Variants in WWOX observed in about 807,000 individuals in gnomAD.
The protein encoded by WWOX is WW domain containing oxidoreductase.
Under a neutral mutation model 46.2 loss-of-function variants are expected in WWOX, and 69 were observed. That is an observed-to-expected ratio of 1.49 (90% CI 1.23 to 1.82). The LOEUF (loss-of-function observed/expected upper bound fraction) is 1.82. WWOX is among the 40% of genes most tolerant of loss of function. WWOX has a pLI of 0.00. For synonymous variants in WWOX, 359 were observed against 202.6 expected (o/e 1.77, Z -6.56); for missense variants, 919 against 542.6 (o/e 1.69, Z -6.89).
intron 8 of WWOX, among the ~76,000 whole-genome samples, chr16:78,718,630 C>T (rs886772608): frequency 1.3e-5 from 2 of 151,894 alleles, no homozygotes; most frequent in Admixed American, 6.6e-5. Flanking sequence ...ATCCCTTGAG[C>T]CCAGGATTTT....
At chr16:78,646,259 A>G (rs2046839493) in intron 8 of WWOX, among the ~76,000 whole-genome samples, 1 of 152,036 alleles carries the variant, frequency 6.6e-6, no homozygotes, top group Non-Finnish European at 1.5e-5. Context: ...GGCTCCATCA[A>G]TCCTCTTGCT....
At chr16:78,980,374 A>C (rs1196966986) in intron 8 of WWOX, among the ~76,000 whole-genome samples, 2 of 152,130 alleles carry the variant, frequency 1.3e-5, no homozygotes, top group Admixed American at 1.3e-4. Context: ...TTATTCCAAC[A>C]ATGTCCTTGG....
At chr16:78,586,548 C>T (rs150295622) in intron 8 of WWOX, among the ~76,000 whole-genome samples, 167 of 152,264 alleles carry the variant, frequency 1.1e-3, no homozygotes, top group African/African-American at 3.7e-3. Context: ...CCTTGCAATA[C>T]GCTTGTTATC....
Position 78,601,597 on chromosome 16 carries a change from G to A in WWOX, c.1056+168845G>A, listed in dbSNP as rs149089201. Among the ~76,000 whole-genome samples the A allele has an allele frequency of 7.9e-4, 120 of 152,274 alleles. No homozygotes were observed. The East Asian group carries it at 0.02, about 25-fold the overall frequency. ...TAAAGGGGAAGAAATAGCTTTACCC[G>A]TGGTGTAAAATATATACTTTCTAAT... On this transcript the variant is annotated intron_variant, in intron 8 of 8. Coordinates refer to ENST00000566780, the MANE Select transcript of WWOX (RefSeq NM_016373.4).
chr16:79,126,554 G>T (rs1363670977), intron 8 of WWOX, among the ~76,000 whole-genome samples: 1 of 152,132 alleles, frequency 6.6e-6, no homozygotes, highest in Non-Finnish European at 1.5e-5. Flanking sequence ...TTCGTCTTCT[G>T]CCATGGTGGT....
intron 8 of WWOX, among the ~76,000 whole-genome samples, chr16:78,715,814 C>T (rs538534260): frequency 1.3e-5 from 2 of 152,254 alleles, no homozygotes; most frequent in Non-Finnish European, 2.9e-5. Context: ...AAAAGCTTTT[C>T]TAGAATCTAT....
chr16:79,140,628 A>G (rs1454006311), intron 8 of WWOX, among the ~76,000 whole-genome samples: 1 of 152,254 alleles, frequency 6.6e-6, no homozygotes, highest in African/African-American at 2.4e-5. Flanking sequence ...CCAGGTGGTA[A>G]TTAAGAAGCA....
Position 79,045,781 on chromosome 16 carries a change from T to C in WWOX, c.1057-165827T>C, listed in dbSNP as rs1259927612. On this transcript the variant is annotated intron_variant, in intron 8 of 8. Coordinates refer to ENST00000566780, the MANE Select transcript of WWOX (RefSeq NM_016373.4). ...GCTCGTCTTTCCTTTTTTCTTTTCCTTTTTTTTTTTTTTTTTTTTTTTTTT... is the reference window on the plus strand; with the variant it reads ...GCTCGTCTTTCCTTTTTTCTTTTCCCTTTTTTTTTTTTTTTTTTTTTTTTT... Among the ~76,000 whole-genome samples, 19 of 4,186 alleles carry C rather than the reference T, an allele frequency of 4.5e-3. 1 individual carries two copies. Among genetic ancestry groups the C allele is most frequent in the African/African-American group, 0.017 (16 of 926 alleles). 2.7% of individuals were successfully genotyped at this position (4,186 alleles called of 152,430 possible).
chr16:78,819,477 T>C (rs1280920818), intron 8 of WWOX, among the ~76,000 whole-genome samples: 1 of 152,232 alleles, frequency 6.6e-6, no homozygotes, highest in East Asian at 1.9e-4. Context: ...ACCCTTTTTC[T>C]AGAAATTTCT....
chr16:78,444,089 A>G (rs1308817520), intron 8 of WWOX, among the ~76,000 whole-genome samples: 1 of 152,202 alleles, frequency 6.6e-6, no homozygotes. Context: ...TGGTGCTCAG[A>G]ATCGTTTGGA....
intron 8 of WWOX, among the ~76,000 whole-genome samples, chr16:78,766,983 C>G (rs1336754879): frequency 6.6e-6 from 1 of 152,170 alleles, no homozygotes; most frequent in East Asian, 1.9e-4. Flanking sequence ...ACTTTACTTT[C>G]TGCATCTATG....
chr16:78,446,678 T>TGA, intron 8 of WWOX, among the ~76,000 whole-genome samples: 1 of 103,760 alleles, frequency 9.6e-6, no homozygotes, highest in African/African-American at 8.3e-5. Flanking sequence ...TTTTTTTTTT[T>TGA]TTTGAGGTGG....
chr16:78,195,117 C>G (rs757798637), intron 5 of WWOX, among the ~76,000 whole-genome samples: 5 of 152,204 alleles, frequency 3.3e-5, no homozygotes, highest in Non-Finnish European at 7.4e-5. Flanking sequence ...CAAGCTGTTC[C>G]ATCCCCAGTT....
chr16:78,739,554 G>C (rs1039884306), intron 8 of WWOX, among the ~76,000 whole-genome samples: 3 of 152,180 alleles, frequency 2.0e-5, no homozygotes, highest in Non-Finnish European at 2.9e-5. Flanking sequence ...GCTCACGCCT[G>C]TAATCCAGCA....
chr16:78,677,704 G>C (rs940300582), intron 8 of WWOX, among the ~76,000 whole-genome samples: 2 of 152,100 alleles, frequency 1.3e-5, no homozygotes, highest in Admixed American at 6.6e-5. Context: ...GATGAACTCA[G>C]GTCTATAAAG....
intron 8 of WWOX, among the ~76,000 whole-genome samples, chr16:78,860,417 T>C (rs917047586): frequency 7.9e-5 from 12 of 152,266 alleles, no homozygotes; most frequent in Admixed American, 7.9e-4. Flanking sequence ...ACCTAGTATA[T>C]AGTAGGCAGT....
chr16:78,141,294 G>A (rs1455010764), intron 4 of WWOX, among the ~76,000 whole-genome samples: 2 of 152,172 alleles, frequency 1.3e-5, no homozygotes, highest in Admixed American at 1.3e-4. Context: ...AAATGGACAG[G>A]TTCTGGGCCT....
intron 5 of WWOX, among the ~76,000 whole-genome samples, chr16:78,178,491 G>A (rs1284668182): frequency 6.6e-6 from 1 of 152,186 alleles, no homozygotes; most frequent in African/African-American, 2.4e-5. Flanking sequence ...TATGGGTAGT[G>A]ATGGGCACTT....
At chr16:78,399,102 G>A (rs1204454793) in intron 6 of WWOX, among the ~76,000 whole-genome samples, 1 of 144,020 alleles carries the variant, frequency 6.9e-6, no homozygotes, top group Non-Finnish European at 1.5e-5. Flanking sequence ...AGGGGTGGAA[G>A]GGGATGCAAG....
Sources: allele counts gnomAD v4.1 joint callset (sites outside exome capture counted in the v4.1 genomes callset), GRCh38; gene constraint gnomAD v4.1.1; transcripts MANE v1.5; gene names NCBI Gene and HGNC (gene_info 2026-07-23, HGNC 2026-07-21).